DYSF: variants seen among roughly 807,000 people sequenced by gnomAD.
DYSF encodes dystrophy-associated fer-1-like 1.
In DYSF, 212 loss-of-function variants were observed where a neutral mutation model predicts 274.9. The ratio of observed to expected loss-of-function variants is 0.77; its 90% CI spans 0.69 to 0.86. The LOEUF is 0.86. DYSF is among the 40% of genes least tolerant of loss of function. DYSF has a pLI of 0.00. For synonymous variants in DYSF, 1,091 were observed against 1,078.7 expected, an observed-to-expected ratio of 1.01 and a Z score of -0.22; for missense variants, 2,666 against 2,783.2, an observed-to-expected ratio of 0.96 and a Z score of 0.95.
intron 30 of DYSF, among the ~76,000 whole-genome samples, chr2:71,575,596 G>A (rs2092675889): frequency 6.6e-6 from 1 of 152,096 alleles, no homozygotes; most frequent in Non-Finnish European, 1.5e-5. Context: ...AGTCAGAAAG[G>A]GCCTGGCCTG....
Position 71,620,616 on chromosome 2 carries a change from A to G in DYSF, c.4527+7A>G. ...TCCTCCATCCAGTCCTCATGTATGT[A>G]CTGTTTACTTATTTGTGGGCTCCTT... On this transcript the variant is annotated splice_region_variant and intron_variant, in intron 41 of 55. Coordinates refer to ENST00000410020, the MANE Select transcript of DYSF (RefSeq NM_001130987.2). 1 of 1,548,032 alleles carries G rather than the reference A, an allele frequency of 6.5e-7. No individual in the cohort carries two copies. The highest frequency in any genetic ancestry group is 2.5e-5 in the East Asian group (1 of 40,696).
At chr2:71,574,653 C>T (rs891091956) in intron 30 of DYSF, among the ~76,000 whole-genome samples, 2 of 152,230 alleles carry the variant, frequency 1.3e-5, no homozygotes, top group South Asian at 2.1e-4. Context: ...TGGCCTTGGC[C>T]GTCTGGCTGG....
exon 1 of DYSF, chr2:71,453,981 G>GC (rs1246705265): frequency 6.2e-7 from 1 of 1,613,816 alleles, no homozygotes; most frequent in Admixed American, 1.7e-5. Flanking sequence ...GGCGCACGGG[G>GC]CCCTACACGC....
At chr2:71,642,435 A>G (rs1422595511) in intron 41 of DYSF, among the ~76,000 whole-genome samples, 1 of 152,166 alleles carries the variant, frequency 6.6e-6, no homozygotes, top group Non-Finnish European at 1.5e-5. Context: ...TATGTGTGTC[A>G]CCCATAGCAT....
rs763030202 is a variant in DYSF at position 71,454,049 on chromosome 2, C to T, written c.51C>T (p.Thr17=). 10 of 1,614,060 alleles carry T rather than the reference C, an allele frequency of 6.2e-6. No individual in the cohort carries two copies. The East Asian group carries it at 2.2e-4, about 36-fold the overall frequency. The stretch of plus-strand genomic sequence containing the variant: ...CCGAGAACGTCCACACACCCGACAC[C>T]GACATCAGCGATGCCTACTGCTCCG... The change falls in exon 1 of 55, where the codon ACC becomes ACT. Residue 17 remains threonine, a synonymous_variant. Coordinates refer to the DYSF transcript ENST00000258104.
intron 32 of DYSF, among the ~76,000 whole-genome samples, chr2:71,597,901 A>G (rs965428152): frequency 1.3e-5 from 2 of 151,844 alleles, no homozygotes; most frequent in African/African-American, 4.9e-5. Context: ...CCTAGACCTC[A>G]TGCTCCCTCC....
intron 49 of DYSF, 101 bp downstream of exon 49, chr2:71,668,943 A>G (rs896799378): frequency 1.4e-6 from 2 of 1,393,630 alleles, no homozygotes; most frequent in Non-Finnish European, 2.0e-6. Context: ...GCCGGGCTTC[A>G]GGCTATTTGG....
At chr2:71,501,521 C>A (rs1267265548) in intron 3 of DYSF, among the ~76,000 whole-genome samples, 1 of 152,212 alleles carries the variant, frequency 6.6e-6, no homozygotes, top group African/African-American at 2.4e-5. Context: ...CGTCCACCTC[C>A]AAAATGTTCT....
chr2:71,515,709 G>T lies in DYSF; in HGVS notation c.846G>T (p.Lys282Asn). 1 of 1,614,180 alleles carries T rather than the reference G, an allele frequency of 6.2e-7. No homozygotes were observed. Among genetic ancestry groups the T allele is most frequent in the African/African-American group, 1.3e-5 (1 of 75,046 alleles). Reference sequence around the variant, plus strand: ...AGGTTACCGCTGCAGGGCAGACCAAGCGGACGCGGATCCACAAGGGAAACA... The same window carrying T: ...AGGTTACCGCTGCAGGGCAGACCAATCGGACGCGGATCCACAAGGGAAACA... ...VVKVTAAGQT[K>N]RTRIHKGNSP... The change falls in exon 8 of 56, where the codon AAG becomes AAT. Residue 282 changes from lysine to asparagine, a missense_variant. Around this residue, in one of 3 missense-constraint regions of DYSF, gnomAD observed 794 missense variants for 777.1 expected, o/e 1.02. Coordinates refer to ENST00000410020, the MANE Select transcript of DYSF (RefSeq NM_001130987.2).
intron 17 of DYSF, among the ~76,000 whole-genome samples, chr2:71,549,788 C>T (rs558624673): frequency 6.6e-6 from 1 of 152,252 alleles, no homozygotes; most frequent in South Asian, 2.1e-4. Flanking sequence ...GTTGAAATCC[C>T]CAAGGTAAAT....
intron 30 of DYSF, among the ~76,000 whole-genome samples, chr2:71,581,890 C>T (rs1485649175): frequency 6.6e-6 from 1 of 152,142 alleles, no homozygotes; most frequent in Non-Finnish European, 1.5e-5. Context: ...CACCTGTAAT[C>T]CCAGCACTTT....
At chr2:71,508,924 C>T (rs1407624957) in intron 4 of DYSF, among the ~76,000 whole-genome samples, 2 of 152,204 alleles carry the variant, frequency 1.3e-5, no homozygotes, top group Admixed American at 1.3e-4. Context: ...ACGATCCTGG[C>T]TCACTGCAGC....
At chr2:71,628,601 C>T (rs1206389132) in intron 41 of DYSF, among the ~76,000 whole-genome samples, 3 of 152,032 alleles carry the variant, frequency 2.0e-5, no homozygotes, top group Admixed American at 2.0e-4. Context: ...TTCTGGCTTC[C>T]ATTGTGCTAT....
intron 1 of DYSF, among the ~76,000 whole-genome samples, chr2:71,468,060 G>A (rs534723756): frequency 6.6e-6 from 1 of 152,322 alleles, no homozygotes; most frequent in African/African-American, 2.4e-5. Context: ...TTTGAAAGAT[G>A]TGATTTGAAA....
intron 1 of DYSF, among the ~76,000 whole-genome samples, chr2:71,454,674 A>C (rs908493858): frequency 2.0e-5 from 3 of 152,100 alleles, no homozygotes; most frequent in South Asian, 2.1e-4. Context: ...CTCTGCCCCC[A>C]ACCCCTGCCC....
chr2:71,617,833 TAA>T (rs1228454000), intron 40 of DYSF, among the ~76,000 whole-genome samples: 38 of 85,734 alleles, frequency 4.4e-4, no homozygotes, highest in South Asian at 1.2e-3. Context: ...AGGTGGGGTA[TAA>T]GTGTGTGTGG....
chr2:71,482,013 G>A, intron 3 of DYSF, 43 bp downstream of exon 3: 1 of 1,541,466 alleles, frequency 6.5e-7, no homozygotes, highest in Non-Finnish European at 9.0e-7. Flanking sequence ...TGAAGGTGCA[G>A]GTAGGATTGT....
Position 71,600,769 on chromosome 2 carries a change from G to A in DYSF, c.3824G>A (p.Trp1275Ter), listed in dbSNP as rs1553376538. ...PSLERMPRLA[W>*]FPLTRGSQPS... ...CTGGAACGGATGCCACGGCTGGCCT[G>A]GTTCCCACTGACGAGGGGCAGCCAG... The change falls in exon 34 of 56, where the codon TGG (tryptophan) becomes TAG (stop). Residue 1275 changes from tryptophan to a stop codon, truncating the protein, a stop_gained. Coordinates refer to ENST00000410020, the MANE Select transcript of DYSF (RefSeq NM_001130987.2). LOFTEE classifies it high-confidence loss of function. 2 of 1,613,598 alleles carry A rather than the reference G, an allele frequency of 1.2e-6. No individual in the cohort carries two copies. Among genetic ancestry groups the A allele is most frequent in the Admixed American group, 1.7e-5 (1 of 60,012 alleles).
Position 71,568,045 on chromosome 2 carries a change from A to G in DYSF, c.2660A>G (p.Gln887Arg), listed in dbSNP as rs762697705. The G allele has an allele frequency of 6.2e-7, 1 of 1,614,138 alleles. No homozygotes were observed. The highest frequency in any genetic ancestry group is 1.7e-5 in the Admixed American group (1 of 60,022). Residue 887 changes from glutamine to arginine, a missense_variant, in exon 25 of 56, where the codon CAG (glutamine) becomes CGG (arginine). Physicochemically the swap from Gln to Arg is conservative, Grantham distance 43 (BLOSUM62 1). This residue lies in a region of DYSF where 412 missense variants were observed against 504.0 expected (regional missense o/e 0.82). Coordinates refer to ENST00000410020, the MANE Select transcript of DYSF (RefSeq NM_001130987.2). ...GLSVDEKEFN[Q>R]FAEGKLSVFA... Reference sequence around the variant, plus strand: ...TCAGTGGATGAGAAGGAGTTCAACCAGTTTGCTGAGGGGAAGCTGTCTGTC... The same window carrying G: ...TCAGTGGATGAGAAGGAGTTCAACCGGTTTGCTGAGGGGAAGCTGTCTGTC...
Sources: gnomAD v4.1 joint callset for allele counts (sites outside exome capture counted in the v4.1 genomes callset) on GRCh38, gnomAD v4.1.1 for gene constraint, gnomAD v4.1.1 regional missense constraint, MANE v1.5 for transcripts, NCBI Gene and HGNC (gene_info 2026-07-23, HGNC 2026-07-21) for gene names.